Variants in SMCO2 observed in about 807,000 individuals in gnomAD.
The protein encoded by SMCO2 is single-pass membrane and coiled-coil domain-containing protein 2.
In SMCO2, 25 loss-of-function variants were observed where a neutral mutation model predicts 29.5. That is an observed-to-expected ratio of 0.85 (90% CI 0.62 to 1.18). SMCO2 has a LOEUF of 1.18. Among genes scored for constraint, SMCO2 ranks in the 50% most tolerant of loss-of-function variants. SMCO2 has a pLI of 0.00. For synonymous variants in SMCO2, 117 were observed against 123.3 expected (o/e 0.95, Z 0.34); for missense variants, 348 against 344.5 (o/e 1.01, Z -0.08).
the SMCO2 span, among the ~76,000 whole-genome samples, chr12:27,457,428 A>T: frequency 1.3e-5 from 2 of 152,170 alleles, no homozygotes; most frequent in Non-Finnish European, 2.9e-5. Flanking sequence ...AGTCTCTTGC[A>T]TATATTAACT....
the SMCO2 span, among the ~76,000 whole-genome samples, chr12:27,449,085 G>T: frequency 4.6e-5 from 7 of 152,312 alleles, no homozygotes; most frequent in Non-Finnish European, 1.0e-4. Context: ...GTGTGGGTCT[G>T]AAAACTTGAC....
At chr12:27,461,616 T>C in the SMCO2 span, among the ~76,000 whole-genome samples, 3,476 of 152,342 alleles carry the variant, frequency 0.023, 93 homozygotes, top group African/African-American at 0.063. Context: ...ACGATGAATA[T>C]TTACTTATAT....
intron 6 of SMCO2, 131 bp downstream of exon 7, chr12:27,494,487 T>TTTTTTATTA (rs149908760): frequency 5.1e-5 from 9 of 176,494 alleles, no homozygotes; most frequent in African/African-American, 1.8e-4. Flanking sequence ...TTTAATTTAA[T>TTTTTTATTA]TTATTATTAT....
chr12:27,437,956 C>A, the SMCO2 span, among the ~76,000 whole-genome samples: 1 of 152,134 alleles, frequency 6.6e-6, no homozygotes, highest in Non-Finnish European at 1.5e-5. Flanking sequence ...ATCCTTAGGC[C>A]CCATGTCTTT....
the SMCO2 span, among the ~76,000 whole-genome samples, chr12:27,435,721 C>G: frequency 1.1e-4 from 17 of 152,210 alleles, no homozygotes; most frequent in East Asian, 3.3e-3. Context: ...AAATTCCCAC[C>G]TCTGGGTCAG....
chr12:27,455,674 T>C, the SMCO2 span, among the ~76,000 whole-genome samples: 2 of 152,174 alleles, frequency 1.3e-5, no homozygotes, highest in African/African-American at 4.8e-5. Context: ...AGGACATTCA[T>C]TGTAGCATTA....
chr12:27,446,295 G>A, the SMCO2 span, among the ~76,000 whole-genome samples: 3 of 152,082 alleles, frequency 2.0e-5, no homozygotes, highest in Non-Finnish European at 4.4e-5. Context: ...AGAGAGAGAT[G>A]GAGGAGGGAG....
the SMCO2 span, among the ~76,000 whole-genome samples, chr12:27,439,214 G>C: frequency 1.8e-4 from 28 of 152,280 alleles, no homozygotes; most frequent in African/African-American, 6.5e-4. Context: ...GGAGACACCA[G>C]ATAAAAGTGG....
intron 4 of SMCO2, among the ~76,000 whole-genome samples, chr12:27,483,120 A>G (rs1182079133): frequency 6.6e-6 from 1 of 152,202 alleles, no homozygotes; most frequent in East Asian, 1.9e-4. Context: ...TAGAATGTGT[A>G]TTCTACTATT....
chr12:27,481,203 T>G (rs1949640009), intron 4 of SMCO2, among the ~76,000 whole-genome samples: 2 of 152,172 alleles, frequency 1.3e-5, no homozygotes, highest in African/African-American at 4.8e-5. Flanking sequence ...CTCAAAATGG[T>G]GCCGTGCTGC....
At chr12:27,487,277 C>G (rs1185351518) in intron 4 of SMCO2, among the ~76,000 whole-genome samples, 1 of 152,162 alleles carries the variant, frequency 6.6e-6, no homozygotes, top group Admixed American at 6.5e-5. Context: ...TTCCACATGT[C>G]TATAATTATG....
intron 4 of SMCO2, among the ~76,000 whole-genome samples, chr12:27,477,210 GTTTT>G (rs770789669): frequency 9.6e-5 from 6 of 62,652 alleles, no homozygotes; most frequent in African/African-American, 3.1e-4. Flanking sequence ...TGGCTGTCAG[GTTTT>G]TTTTTTTTTT....
At chr12:27,459,342 GC>G in the SMCO2 span, among the ~76,000 whole-genome samples, 21 of 152,150 alleles carry the variant, frequency 1.4e-4, no homozygotes, top group East Asian at 3.9e-3. Context: ...GGAGCTGGAG[GC>G]CATTATCCTA....
the SMCO2 span, among the ~76,000 whole-genome samples, chr12:27,457,366 G>T: frequency 6.6e-6 from 1 of 152,206 alleles, no homozygotes; most frequent in South Asian, 2.1e-4. Flanking sequence ...AAATTATGTA[G>T]CCAGCCATGG....
intron 4 of SMCO2, among the ~76,000 whole-genome samples, chr12:27,486,191 G>A (rs1949687699): frequency 6.6e-6 from 1 of 152,194 alleles, no homozygotes; most frequent in South Asian, 2.1e-4. Context: ...CTCAGCTGAA[G>A]GCCCAAGTGG....
At chr12:27,460,259 C>T in the SMCO2 span, among the ~76,000 whole-genome samples, 1 of 151,968 alleles carries the variant, frequency 6.6e-6, no homozygotes, top group Non-Finnish European at 1.5e-5. Flanking sequence ...AAGAGTTGAC[C>T]CTTGCACAAT....
chr12:27,429,207 G>A, the SMCO2 span, among the ~76,000 whole-genome samples: 2 of 151,730 alleles, frequency 1.3e-5, no homozygotes, highest in Non-Finnish European at 2.9e-5. Context: ...TTTTCTGTTT[G>A]TAAAAGAACT....
At chr12:27,433,504 TATACAC>T in the SMCO2 span, among the ~76,000 whole-genome samples, 3 of 83,820 alleles carry the variant, frequency 3.6e-5, no homozygotes, top group South Asian at 6.8e-4. Flanking sequence ...TGCAGATGTG[TATACAC>T]ACACACACAC....
the SMCO2 span, among the ~76,000 whole-genome samples, chr12:27,441,475 A>G: frequency 6.6e-6 from 1 of 152,212 alleles, no homozygotes; most frequent in Non-Finnish European, 1.5e-5. Context: ...CAAAGACTAT[A>G]AAAAAGATAA....
Sources: gnomAD v4.1 joint callset for allele counts (sites outside exome capture counted in the v4.1 genomes callset) on GRCh38, gnomAD v4.1.1 for gene constraint, MANE v1.5 for transcripts, NCBI Gene and HGNC (gene_info 2026-07-23, HGNC 2026-07-21) for gene names.